AGBL1: variants seen among roughly 807,000 people sequenced by gnomAD.
AGBL1 encodes cytosolic carboxypeptidase 4.
AGBL1 carries 130 observed loss-of-function variants against 118.9 expected under a neutral mutation model. That is an observed-to-expected ratio of 1.09 (90% confidence interval 0.95 to 1.26). The LOEUF (loss-of-function observed/expected upper bound fraction) is 1.26, where lower values mean the gene tolerates loss of function less well. Among genes scored for constraint, AGBL1 ranks in the 50% most tolerant of loss-of-function variants. The pLI is 0.00. For missense variants in AGBL1, 1,584 were observed against 1,298.1 expected, an observed-to-expected ratio of 1.22 and a Z score of -3.38; for synonymous variants, 555 against 478.9, an observed-to-expected ratio of 1.16 and a Z score of -2.08.
chr15:86,992,639 TGG>T (rs2081345710), intron 24 of AGBL1, among the ~76,000 whole-genome samples: 1 of 152,028 alleles, frequency 6.6e-6, no homozygotes, highest in South Asian at 2.1e-4. Flanking sequence ...AATGGACAGA[TGG>T]CCATGGGTTC....
intron 21 of AGBL1, among the ~76,000 whole-genome samples, chr15:86,616,289 A>G (rs898174092): frequency 5.9e-5 from 9 of 151,490 alleles, no homozygotes; most frequent in Admixed American, 1.3e-4. Flanking sequence ...ATGAGCCGAG[A>G]TAGCACCACT....
At chr15:86,420,416 C>A (rs1186563578) in intron 18 of AGBL1, among the ~76,000 whole-genome samples, 26 of 152,278 alleles carry the variant, frequency 1.7e-4, no homozygotes, top group Non-Finnish European at 1.9e-4. Context: ...AAAGGAATAG[C>A]ATCAAAATCA....
At chr15:86,733,683 T>C (rs1450118192) in intron 22 of AGBL1, among the ~76,000 whole-genome samples, 2 of 152,184 alleles carry the variant, frequency 1.3e-5, no homozygotes, top group Non-Finnish European at 2.9e-5. Context: ...ATTCTATATG[T>C]GCTCGTAACA....
At chr15:86,325,265 A>G (rs894020993) in intron 17 of AGBL1, among the ~76,000 whole-genome samples, 13 of 152,216 alleles carry the variant, frequency 8.5e-5, no homozygotes, top group African/African-American at 3.1e-4. Flanking sequence ...ATATTTGGGC[A>G]AGAATAGAGG....
chr15:86,755,594 T>C (rs1016442005), intron 22 of AGBL1, among the ~76,000 whole-genome samples: 1 of 152,118 alleles, frequency 6.6e-6, no homozygotes, highest in Non-Finnish European at 1.5e-5. Flanking sequence ...TCTTCCCTGA[T>C]TGACAACCCT....
At chr15:86,225,020 C>T (rs867905086) in intron 6 of AGBL1, 69 bp downstream of exon 6, 1 of 1,472,222 alleles carries the variant, frequency 6.8e-7, no homozygotes, top group Non-Finnish European at 9.3e-7. Flanking sequence ...CTTTCTGGTC[C>T]CCATGGCTGT....
chr15:86,900,826 G>A (rs1440161619), intron 22 of AGBL1, among the ~76,000 whole-genome samples: 1 of 152,042 alleles, frequency 6.6e-6, no homozygotes, highest in African/African-American at 2.4e-5. Flanking sequence ...TTACTTTCTG[G>A]AAAGACTGTG....
intron 17 of AGBL1, among the ~76,000 whole-genome samples, chr15:86,392,169 C>A (rs2081297373): frequency 6.6e-6 from 1 of 152,076 alleles, no homozygotes; most frequent in Non-Finnish European, 1.5e-5. Flanking sequence ...CAGCCACATA[C>A]AAATGGGATC....
intron 17 of AGBL1, among the ~76,000 whole-genome samples, chr15:86,322,765 A>G (rs1000247587): frequency 1.3e-5 from 2 of 152,166 alleles, no homozygotes; most frequent in Non-Finnish European, 1.5e-5. Flanking sequence ...ATGACTATCA[A>G]ACTACATTAG....
At chr15:86,684,879 G>C (rs935539348) in intron 22 of AGBL1, among the ~76,000 whole-genome samples, 6 of 152,100 alleles carry the variant, frequency 3.9e-5, no homozygotes, top group Non-Finnish European at 7.4e-5. Context: ...AGATACAAAA[G>C]GCAAAGCAGT....
intron 23 of AGBL1, among the ~76,000 whole-genome samples, chr15:86,961,051 C>T (rs2080987889): frequency 6.6e-6 from 1 of 152,008 alleles, no homozygotes; most frequent in Admixed American, 6.6e-5. Context: ...CTATTGTATA[C>T]TTGAAATTTG....
At chr15:86,437,854 A>C (rs1367024131) in intron 18 of AGBL1, among the ~76,000 whole-genome samples, 7 of 152,090 alleles carry the variant, frequency 4.6e-5, no homozygotes, top group Non-Finnish European at 1.0e-4. Context: ...CAAATGTCAC[A>C]GGTCAGAGTA....
chr15:86,370,240 C>G (rs2080951565), intron 17 of AGBL1, among the ~76,000 whole-genome samples: 1 of 151,156 alleles, frequency 6.6e-6, no homozygotes, highest in Non-Finnish European at 1.5e-5. Context: ...AATCATGTGT[C>G]TTGGAGTGAG....
intron 5 of AGBL1, among the ~76,000 whole-genome samples, chr15:86,220,276 A>G (rs1273972172): frequency 6.6e-6 from 1 of 152,084 alleles, no homozygotes; most frequent in Non-Finnish European, 1.5e-5. Flanking sequence ...CTAGCTGCTG[A>G]AACTTGGGAA....
In AGBL1 at chr15:86,262,798, C is replaced by G. The variant is rs1566088; in HGVS notation, c.990C>G (p.Asp330Glu). ...TTTAGGATGATGACTTGGAAACAGACGTGAACAAGCTGAGTTCCAAACCTG... is the reference window on the plus strand; with the variant it reads ...TTTAGGATGATGACTTGGAAACAGAGGTGAACAAGCTGAGTTCCAAACCTG... ...GKVEDDDLETDVNKLSSKPGL... is the reference protein window; with the variant it reads ...GKVEDDDLETEVNKLSSKPGL... Residue 330 changes from aspartate to glutamate, a missense_variant, in exon 10 of 23, where the codon GAC (aspartate) becomes GAG (glutamate). Asp to Glu is a conservative substitution (Grantham distance 45, BLOSUM62 2). Coordinates refer to ENST00000614907, the MANE Select transcript of AGBL1 (RefSeq NM_001386094.1). 1.1e-5 allele frequency: 18 copies of G among 1,606,184 alleles called. 1 individual carries two copies. In the Admixed American group the frequency reaches 2.2e-4, roughly 20 times the overall value.
chr15:86,761,273 G>T (rs1053750420), intron 22 of AGBL1, among the ~76,000 whole-genome samples: 1 of 152,012 alleles, frequency 6.6e-6, no homozygotes, highest in Admixed American at 6.6e-5. Flanking sequence ...ACTCTAACAA[G>T]AAACCTGACA....
chr15:86,118,551 A>G (rs529677897), intron 1 of AGBL1, among the ~76,000 whole-genome samples: 5 of 152,210 alleles, frequency 3.3e-5, no homozygotes, highest in African/African-American at 1.2e-4. Flanking sequence ...GTTTGAGTAC[A>G]GCATTGGAGA....
At chr15:86,750,927 A>T (rs2141253224) in intron 22 of AGBL1, among the ~76,000 whole-genome samples, 1 of 152,166 alleles carries the variant, frequency 6.6e-6, no homozygotes, top group East Asian at 1.9e-4. Context: ...TGCCGAGGAT[A>T]ATGGCTTCCA....
At chr15:86,505,661 A>G (rs527320626) in intron 18 of AGBL1, among the ~76,000 whole-genome samples, 70 of 152,044 alleles carry the variant, frequency 4.6e-4, no homozygotes, top group Non-Finnish European at 7.9e-4. Flanking sequence ...CTGAGACATC[A>G]TTCTCATACT....
Sources: allele counts gnomAD v4.1 joint callset (sites outside exome capture counted in the v4.1 genomes callset), GRCh38; gene constraint gnomAD v4.1.1; transcripts MANE v1.5; gene names NCBI Gene and HGNC (gene_info 2026-07-23, HGNC 2026-07-21).